FARP1: variants seen among roughly 807,000 people sequenced by gnomAD.
FARP1 encodes the protein FERM, ARH/RhoGEF and pleckstrin domain protein 1, also known as FERM, ARHGEF and pleckstrin domain-containing protein 1.
In FARP1, 52 loss-of-function variants were observed where a neutral mutation model predicts 128.8. The observed-to-expected ratio is 0.40, with a 90% confidence interval of 0.32 to 0.51. The LOEUF (loss-of-function observed/expected upper bound fraction) is 0.51, where lower values mean the gene tolerates loss of function less well. Ranked by LOEUF, FARP1 falls within the 20% of genes least tolerant of loss-of-function variation. The probability of loss-of-function intolerance (pLI) is 0.45; values close to 1 mark genes in which losing one functional copy is unlikely to be tolerated. For synonymous variants in FARP1, 580 were observed against 551.8 expected (o/e 1.05, Z -0.72); for missense variants, 1,333 against 1,367.9 (o/e 0.97, Z 0.40).
In FARP1 at chr13:98,393,654, A is replaced by G. The variant is rs1311316402; in HGVS notation, c.1100A>G (p.Lys367Arg). 8 of 1,613,842 alleles carry G rather than the reference A, an allele frequency of 5.0e-6. No individual in the cohort carries two copies. The highest frequency in any genetic ancestry group is 1.3e-5 in the African/African-American group (1 of 74,938). ...KKVQFERKHS[K>R]IHSIRSLASQ... ...GTGATTTTTCCCAGGAAGCACAGCA[A>G]GATTCATTCTATCCGGAGCCTTGCT... is the stretch of plus-strand genomic sequence containing the variant. Residue 367 changes from lysine to arginine, a missense_variant, in exon 12 of 27, where the codon AAG becomes AGG. Coordinates refer to ENST00000319562, the MANE Select transcript of FARP1 (RefSeq NM_005766.4).
chr13:98,352,811 A>G (rs1404540821), intron 3 of FARP1, among the ~76,000 whole-genome samples: 1 of 152,184 alleles, frequency 6.6e-6, no homozygotes, highest in Non-Finnish European at 1.5e-5. Context: ...GTGTGCAGTC[A>G]GCAAAATCCA....
chr13:98,178,644 A>C (rs1878280005), intron 1 of FARP1, among the ~76,000 whole-genome samples: 1 of 152,086 alleles, frequency 6.6e-6, no homozygotes, highest in African/African-American at 2.4e-5. Flanking sequence ...TTTAGGTTCT[A>C]TCTCTTTACT....
chr13:98,427,855 G>A (rs1266862845), intron 17 of FARP1, among the ~76,000 whole-genome samples: 12 of 152,190 alleles, frequency 7.9e-5, no homozygotes, highest in African/African-American at 1.7e-4. Context: ...AAAAATAGAC[G>A]GAGAGGTTGC....
chr13:98,403,794 C>T (rs1890866856), intron 13 of FARP1: 1 of 152,242 alleles, frequency 6.6e-6, no homozygotes. Context: ...GAAGGCCAAG[C>T]TCATGTCACA....
At chr13:98,302,222 A>G (rs1232763966) in intron 2 of FARP1, among the ~76,000 whole-genome samples, 1 of 152,224 alleles carries the variant, frequency 6.6e-6, no homozygotes, top group African/African-American at 2.4e-5. Flanking sequence ...ATAATGGGGC[A>G]AACACGTGGA....
Position 98,176,383 on chromosome 13 carries a change from C to T in FARP1, c.-24+32891C>T, listed in dbSNP as rs1206576871. On this transcript the variant is annotated intron_variant, in intron 1 of 26. Transcript: ENST00000319562. This position sits in a 1 kb window ranked among gnomAD's most constrained non-coding sequence, Gnocchi z 6.2. Reference sequence around the variant, plus strand: ...ACAGATGTAGCAGCGCGGGGTGGCCCGGAAGTGCTCCAGCGCGCAGCTCTC... The same window carrying T: ...ACAGATGTAGCAGCGCGGGGTGGCCTGGAAGTGCTCCAGCGCGCAGCTCTC... 4 of 1,614,074 alleles carry T rather than the reference C, an allele frequency of 2.5e-6. No homozygotes were observed. Among genetic ancestry groups the T allele is most frequent in the Non-Finnish European group, 3.4e-6 (4 of 1,180,052 alleles).
intron 2 of FARP1, among the ~76,000 whole-genome samples, chr13:98,251,692 A>AG (rs1442536517): frequency 2.6e-5 from 4 of 151,988 alleles, no homozygotes; most frequent in Admixed American, 1.3e-4. Context: ...CAAAAAAAAA[A>AG]AAAAGAAAAA....
chr13:98,399,607 C>G (rs573208609), intron 13 of FARP1: 5 of 152,320 alleles, frequency 3.3e-5, no homozygotes, highest in Non-Finnish European at 7.3e-5. Flanking sequence ...ACCTCTCAAC[C>G]AATCTTTCTA....
chr13:98,368,193 A>G lies in FARP1; in HGVS notation c.396A>G (p.Thr132=), dbSNP rs1889180623. The G allele has an allele frequency of 1.2e-6, 2 of 1,612,134 alleles. No individual in the cohort carries two copies. The highest frequency in any genetic ancestry group is 1.3e-5 in the African/African-American group (1 of 75,008). The change falls in exon 5 of 27, where the codon ACA becomes ACG. Residue 132 remains threonine (T), a splice_region_variant and synonymous_variant. Coordinates refer to ENST00000319562, the MANE Select transcript of FARP1 (RefSeq NM_005766.4). ...PDHTQLQEEL[T]RYLFALQVKQ... ...ACACACAACTCCAAGAAGAACTCAC[A>G]AGGTTAGTGGTTTGGAAACTGTGTA...
Position 98,453,438 on chromosome 13 carries a change from G to T in FARP1, c.*5121G>T, listed in dbSNP as rs1187693849. The T allele has an allele frequency of 1.8e-6, 1 of 547,210 alleles. No individual in the cohort carries two copies. Among genetic ancestry groups the T allele is most frequent in the African/African-American group, 1.9e-5 (1 of 51,630 alleles). 33.9% of individuals were successfully genotyped at this position (547,210 alleles called of 1,614,324 possible). A position where few individuals can be genotyped will look rare whatever the true frequency, so the allele number is the denominator to read the frequency against. On this transcript the variant is annotated 3_prime_UTR_variant, in exon 27 of 27. Transcript: ENST00000319562. Reference sequence around the variant, plus strand: ...GAGCATGTCACCAAAAACCAAGAATGGGTTCAGCCTCCCTGGAGAGATGTG... The same window carrying T: ...GAGCATGTCACCAAAAACCAAGAATTGGTTCAGCCTCCCTGGAGAGATGTG...
intron 1 of FARP1, among the ~76,000 whole-genome samples, chr13:98,162,907 G>A (rs185193351): frequency 2.4e-4 from 37 of 152,330 alleles, no homozygotes; most frequent in African/African-American, 8.7e-4. Flanking sequence ...GTGGAAAGCA[G>A]TGTGGCGATT....
At chr13:98,220,659 T>A (rs1045526925) in intron 2 of FARP1, among the ~76,000 whole-genome samples, 6 of 152,180 alleles carry the variant, frequency 3.9e-5, no homozygotes, top group African/African-American at 7.2e-5. Flanking sequence ...AGGAAAAAAA[T>A]TTTTTTCATA....
Position 98,431,084 on chromosome 13 carries a change from G to C in FARP1, c.1947G>C (p.Glu649Asp). ...TGTGGAAGCACAGCGAGGCCTTGGAGGCCCTGGAGAATGGAATCAAGAGCT... is the reference window on the plus strand; with the variant it reads ...TGTGGAAGCACAGCGAGGCCTTGGACGCCCTGGAGAATGGAATCAAGAGCT... ...AHLWKHSEAL[E>D]ALENGIKSSR... is the part of the protein sequence containing the mutation. The change falls in exon 18 of 27, where the codon GAG (glutamate) becomes GAC (aspartate). Residue 649 changes from glutamate to aspartate, a missense_variant. Transcript: ENST00000319562. 1 of 1,614,168 alleles carries C rather than the reference G, an allele frequency of 6.2e-7. No homozygotes were observed. Among genetic ancestry groups the C allele is most frequent in the Non-Finnish European group, 8.5e-7 (1 of 1,180,016 alleles).
intron 13 of FARP1, chr13:98,403,410 G>A (rs559857051): frequency 6.6e-6 from 1 of 152,338 alleles, no homozygotes; most frequent in Admixed American, 6.5e-5. Context: ...AGCCTAGACA[G>A]CCAACCATGG....
chr13:98,185,299 G>T (rs891920219), intron 1 of FARP1, among the ~76,000 whole-genome samples: 1 of 152,090 alleles, frequency 6.6e-6, no homozygotes, highest in Non-Finnish European at 1.5e-5. Flanking sequence ...GCAGTATACC[G>T]CTGGAAAGAG....
At chr13:98,410,670 C>T (rs1207900741) in intron 14 of FARP1, 64 bp from the exon 15 acceptor site, 3 of 754,440 alleles carry the variant, frequency 4.0e-6, no homozygotes, top group African/African-American at 1.7e-5. Flanking sequence ...TTAATGAGGA[C>T]ATTCTCCGAG....
intron 2 of FARP1, among the ~76,000 whole-genome samples, chr13:98,306,901 A>G (rs1594381244): frequency 6.6e-6 from 1 of 152,234 alleles, no homozygotes; most frequent in Admixed American, 6.5e-5. Context: ...GAAAAGAGAA[A>G]GGAGTTAACA....
chr13:98,403,142 C>T (rs1348266818), intron 13 of FARP1: 1 of 148,952 alleles, frequency 6.7e-6, no homozygotes, highest in Admixed American at 6.7e-5. Context: ...ATACCTCTTT[C>T]CTCTAGAATA....
intron 3 of FARP1, among the ~76,000 whole-genome samples, chr13:98,348,244 C>A (rs1359685766): frequency 6.6e-6 from 1 of 152,224 alleles, no homozygotes; most frequent in Non-Finnish European, 1.5e-5. Flanking sequence ...GGCTCTTGTC[C>A]TGCTCTTGCT....
Sources: allele counts gnomAD v4.1 joint callset (sites outside exome capture counted in the v4.1 genomes callset), GRCh38; gene constraint gnomAD v4.1.1; non-coding constraint Gnocchi (gnomAD v3.1); transcripts MANE v1.5; gene names NCBI Gene and HGNC (gene_info 2026-07-23, HGNC 2026-07-21).